The following FRY variants were observed in gnomAD, a reference collection of about 807,000 sequenced individuals.
The protein encoded by FRY is protein furry homolog.
Under a neutral mutation model 348.4 loss-of-function variants are expected in FRY, and 128 were observed. The ratio of observed to expected loss-of-function variants is 0.37; its 90% CI spans 0.32 to 0.43. FRY has a LOEUF of 0.43. Ranked by LOEUF, FRY falls within the 20% of genes least tolerant of loss-of-function variation. The pLI is 1.00. For missense variants in FRY, 2,736 were observed against 3,695.2 expected, an observed-to-expected ratio of 0.74 and a Z score of 6.73; for synonymous variants, 1,370 against 1,374.7, an observed-to-expected ratio of 1.00 and a Z score of 0.08.
At chr13:32,269,697 TAA>T (rs34295224) in intron 55 of FRY, among the ~76,000 whole-genome samples, 309 of 126,340 alleles carry the variant, frequency 2.4e-3, no homozygotes, top group African/African-American at 7.4e-3. Context: ...ATCTCCATTT[TAA>T]AAAAAAAAAA....
At chr13:32,262,276 C>G (rs1367672943) in intron 52 of FRY, 38 bp from the exon 53 acceptor site, 1 of 1,553,738 alleles carries the variant, frequency 6.4e-7, no homozygotes, top group Non-Finnish European at 8.9e-7. Flanking sequence ...AGAATGGGAA[C>G]TTCATACTAT....
chr13:32,287,891 T>C, intron 58 of FRY: 1 of 1,343,048 alleles, frequency 7.4e-7, no homozygotes, highest in Non-Finnish European at 1.0e-6. Context: ...TGCAGTAAGT[T>C]AACTTTCTTT....
chr13:32,278,450 C>T lies in FRY; in HGVS notation c.8386-15C>T, dbSNP rs1365179340. ...TTGCTGAATTTACCTATGTCTTTCC[C>T]TCTCTTTCTGACAGTGGCTTGCAAA... On this transcript the variant is annotated splice_polypyrimidine_tract_variant and intron_variant, in intron 57 of 60. Transcript: ENST00000542859. 2.8e-6 allele frequency: 4 copies of T among 1,436,130 alleles called. No homozygotes were observed. The highest frequency in any genetic ancestry group is 3.9e-6 in the Non-Finnish European group (4 of 1,018,142). The allele number at this position is 1,436,130 out of a possible 1,614,324, so 89.0% of individuals were successfully genotyped here.
intron 14 of FRY, among the ~76,000 whole-genome samples, chr13:32,154,040 T>C (rs1880958482): frequency 6.6e-6 from 1 of 152,192 alleles, no homozygotes; most frequent in Non-Finnish European, 1.5e-5. Flanking sequence ...CTGACAAGGA[T>C]GATTGCTAAA....
At chr13:32,156,397 T>A (rs1881108831) in intron 15 of FRY, among the ~76,000 whole-genome samples, 2 of 152,086 alleles carry the variant, frequency 1.3e-5, no homozygotes, top group South Asian at 4.1e-4. Flanking sequence ...AGGTTGGGAG[T>A]TCGAGACCAA....
At chr13:32,137,032 G>A in intron 11 of FRY, 60 bp downstream of exon 11, 1 of 918,270 alleles carries the variant, frequency 1.1e-6, no homozygotes, top group Non-Finnish European at 1.8e-6. Flanking sequence ...TTTTTAGGCT[G>A]GCTGATGTGC....
chr13:32,268,822 C>T (rs1477193670), intron 55 of FRY, among the ~76,000 whole-genome samples: 2 of 151,868 alleles, frequency 1.3e-5, no homozygotes, highest in African/African-American at 2.4e-5. Flanking sequence ...CATGAGCCAC[C>T]ATGCCTGGCC....
chr13:32,171,166 G>A lies in FRY; in HGVS notation c.2047G>A (p.Asp683Asn). The change falls in exon 18 of 61, where the codon GAT (aspartate) becomes AAT (asparagine). Residue 683 changes from aspartate to asparagine, a missense_variant. Transcript: ENST00000542859. ...EVNDMHHTLLDSSLKLLLQLL... is the reference protein window; with the variant it reads ...EVNDMHHTLLNSSLKLLLQLL... ...AAATGATATGCATCACACACTCCTT[G>A]ATTCGTCCCTGAAGTTGCTGCTGCA... 1 of 1,613,890 alleles carries A rather than the reference G, an allele frequency of 6.2e-7. No homozygotes were observed. The highest frequency in any genetic ancestry group is 8.5e-7 in the Non-Finnish European group (1 of 1,179,872).
At chr13:32,146,198 C>T (rs1156299858) in intron 11 of FRY, among the ~76,000 whole-genome samples, 4 of 148,650 alleles carry the variant, frequency 2.7e-5, no homozygotes, top group African/African-American at 7.5e-5. Context: ...TTTTTTTTTA[C>T]ACCTTTCGAA....
At chr13:32,279,254 G>A (rs1432479403) in intron 58 of FRY, among the ~76,000 whole-genome samples, 3 of 152,208 alleles carry the variant, frequency 2.0e-5, no homozygotes, top group Non-Finnish European at 1.5e-5. Context: ...GGGGAGGGCG[G>A]CTCTGGGAAG....
intron 54 of FRY, among the ~76,000 whole-genome samples, chr13:32,265,869 G>A (rs1159609246): frequency 6.6e-6 from 1 of 152,176 alleles, no homozygotes; most frequent in African/African-American, 2.4e-5. Context: ...AGCAAAGGAA[G>A]AGCCTGGAAA....
intron 51 of FRY, chr13:32,257,882 G>A: frequency 2.5e-6 from 3 of 1,188,802 alleles, no homozygotes; most frequent in Non-Finnish European, 3.8e-6. Context: ...AACACTAAGA[G>A]AAATGTTCTT....
chr13:32,181,111 C>T (rs1025836699), intron 23 of FRY, among the ~76,000 whole-genome samples: 5 of 151,536 alleles, frequency 3.3e-5, no homozygotes, highest in African/African-American at 1.2e-4. Context: ...AGGATGGTCT[C>T]GAACTCCTGA....
chr13:32,203,076 T>G (rs1211138179), intron 31 of FRY, among the ~76,000 whole-genome samples: 1 of 152,220 alleles, frequency 6.6e-6, no homozygotes, highest in East Asian at 1.9e-4. Flanking sequence ...TTTCTTTATC[T>G]AAAGCAGTGT....
At chr13:32,287,584 T>C (rs1170915883) in intron 58 of FRY, among the ~76,000 whole-genome samples, 1 of 152,244 alleles carries the variant, frequency 6.6e-6, no homozygotes, top group African/African-American at 2.4e-5. Flanking sequence ...TTTTGGTCTC[T>C]AAAACTGACT....
Position 32,202,398 on chromosome 13 carries a change from G to A in FRY, c.3889G>A (p.Glu1297Lys). The A allele has an allele frequency of 6.2e-7, 1 of 1,614,086 alleles. No individual in the cohort carries two copies. The highest frequency in any genetic ancestry group is 1.1e-5 in the South Asian group (1 of 91,078). ...TTTTGTATACTCAAAGAAAGTCGCT[G>A]AGCAAAGACCGGGAAGTATTCTCTA... Reference protein sequence around the residue: ...KLFVYSKKVAEQRPGSILYGT... With the variant: ...KLFVYSKKVAKQRPGSILYGT... Residue 1297 changes from glutamate to lysine, a missense_variant, in exon 31 of 61, where the codon GAG (glutamate) becomes AAG (lysine). Transcript: ENST00000542859.
intron 1 of FRY, among the ~76,000 whole-genome samples, chr13:32,069,762 G>C (rs908303193): frequency 2.0e-5 from 3 of 152,050 alleles, no homozygotes; most frequent in Non-Finnish European, 2.9e-5. Context: ...TGTGCACAAC[G>C]TGCAGGTTTG....
At position 32,274,985 on chromosome 13, in the gene FRY, C is replaced by T. The variant is rs201004961; in HGVS notation, c.8280C>T (p.Ala2760=). The T allele has an allele frequency of 1.1e-4, 176 of 1,613,344 alleles. No homozygotes were observed. The East Asian group carries it at 3.7e-3, about 34-fold the overall frequency. The change falls in exon 56 of 61, where the codon GCC becomes GCT. Residue 2760 remains alanine, a synonymous_variant. Coordinates refer to ENST00000542859, the MANE Select transcript of FRY (RefSeq NM_023037.3). ...CSECPTLFVD[A]ETLLSCGLLD... ...AATGTCCTACACTTTTTGTGGATGC[C>T]GAGACTGTGAGTATCCCAGTCCTGC...
intron 50 of FRY, among the ~76,000 whole-genome samples, chr13:32,253,729 G>GT (rs562402507): frequency 1.5e-4 from 23 of 152,210 alleles, no homozygotes; most frequent in African/African-American, 5.1e-4. Context: ...TTTGGCTTCT[G>GT]TTTTTTTATT....
Sources: allele counts gnomAD v4.1 joint callset (sites outside exome capture counted in the v4.1 genomes callset), GRCh38; gene constraint gnomAD v4.1.1; transcripts MANE v1.5; gene names NCBI Gene and HGNC (gene_info 2026-07-23, HGNC 2026-07-21).